Variants in XPO4 observed in about 807,000 individuals in gnomAD.
The protein encoded by XPO4 is exportin-4.
A neutral mutation model predicts 143.0 loss-of-function variants in XPO4; 39 were observed. The observed-to-expected ratio is 0.27, with a 90% confidence interval of 0.21 to 0.36. The LOEUF (loss-of-function observed/expected upper bound fraction) is 0.36. Ranked by LOEUF, XPO4 falls within the 10% of genes least tolerant of loss-of-function variation. The pLI is 1.00. For missense variants in XPO4, 907 were observed against 1,348.0 expected (o/e 0.67, Z 5.12); for synonymous variants, 439 against 474.0 (o/e 0.93, Z 0.96).
intron 1 of XPO4, among the ~76,000 whole-genome samples, chr13:20,890,461 G>T (rs1436238340): frequency 6.7e-6 from 1 of 148,762 alleles, no homozygotes; most frequent in Non-Finnish European, 1.5e-5. Flanking sequence ...AAAAAAAAAA[G>T]AAATAAAGAA....
intron 3 of XPO4, among the ~76,000 whole-genome samples, chr13:20,860,441 C>T (rs1201034028): frequency 6.6e-6 from 1 of 152,088 alleles, no homozygotes; most frequent in Non-Finnish European, 1.5e-5. Flanking sequence ...AAGAAAAATA[C>T]CAAAACAAAT....
intron 9 of XPO4, among the ~76,000 whole-genome samples, chr13:20,812,053 C>T (rs1387954441): frequency 2.0e-5 from 3 of 152,132 alleles, no homozygotes; most frequent in African/African-American, 7.2e-5. Context: ...AACCCAGAAG[C>T]ATTCACTTAG....
At chr13:20,790,360 A>G in intron 19 of XPO4, 102 bp downstream of exon 19, 1 of 910,134 alleles carries the variant, frequency 1.1e-6, no homozygotes, top group Non-Finnish European at 1.8e-6. Flanking sequence ...TGCACTTAGC[A>G]GATACAACTA....
At chr13:20,879,957 A>G (rs2060390533) in intron 1 of XPO4, among the ~76,000 whole-genome samples, 1 of 152,264 alleles carries the variant, frequency 6.6e-6, no homozygotes, top group African/African-American at 2.4e-5. Context: ...GCCAAGAAGC[A>G]CATGAAAAGA....
intron 9 of XPO4, among the ~76,000 whole-genome samples, chr13:20,813,267 C>A (rs1325598219): frequency 2.6e-5 from 4 of 152,108 alleles, no homozygotes; most frequent in African/African-American, 9.7e-5. Context: ...GGACACAGAG[C>A]CAAACCATCT....
At chr13:20,810,020 TAAC>T (rs1379031415) in intron 9 of XPO4, 53 bp from the exon 10 acceptor site, 7 of 1,464,928 alleles carry the variant, frequency 4.8e-6, no homozygotes, top group African/African-American at 1.4e-5. Flanking sequence ...ACAATTGGCA[TAAC>T]AACAGTCATA....
intron 13 of XPO4, among the ~76,000 whole-genome samples, chr13:20,801,707 A>G (rs1215040415): frequency 6.6e-6 from 1 of 152,252 alleles, no homozygotes; most frequent in African/African-American, 2.4e-5. Flanking sequence ...TTTAGCCAAA[A>G]GGCAAGGAAG....
At chr13:20,894,770 G>A (rs1325250969) in intron 1 of XPO4, among the ~76,000 whole-genome samples, 2 of 151,780 alleles carry the variant, frequency 1.3e-5, no homozygotes, top group Non-Finnish European at 2.9e-5. Flanking sequence ...CTTGAACCCA[G>A]GAGGTGTAGG....
intron 1 of XPO4, among the ~76,000 whole-genome samples, chr13:20,870,089 C>CAAAAAAAAAAAAAAAAAAAAAAAAAAAA (rs59710121): frequency 4.0e-5 from 4 of 98,928 alleles, no homozygotes; most frequent in African/African-American, 1.8e-4. Flanking sequence ...GAAGGAGTCT[C>CAAAAAAAAAAAAAAAAAAAAAAAAAAAA]AAAAAAAAAA....
intron 7 of XPO4, among the ~76,000 whole-genome samples, chr13:20,822,885 A>G (rs2059738393): frequency 6.6e-6 from 1 of 152,242 alleles, no homozygotes; most frequent in Admixed American, 6.5e-5. Context: ...GATTTTGAAT[A>G]CCAAATGTAA....
chr13:20,818,075 C>G (rs1195497986), intron 9 of XPO4, among the ~76,000 whole-genome samples: 1 of 152,164 alleles, frequency 6.6e-6, no homozygotes, highest in Non-Finnish European at 1.5e-5. Context: ...CGTGAGCCAC[C>G]AAGCCCAGCA....
intron 18 of XPO4, among the ~76,000 whole-genome samples, chr13:20,794,575 G>C (rs1452235234): frequency 6.6e-6 from 1 of 152,108 alleles, no homozygotes; most frequent in African/African-American, 2.4e-5. Flanking sequence ...GTATTAGTAA[G>C]AGGTTAAGAA....
intron 13 of XPO4, among the ~76,000 whole-genome samples, chr13:20,802,871 ACAACTGAG>A (rs1254336346): frequency 3.3e-5 from 5 of 152,222 alleles, no homozygotes; most frequent in Non-Finnish European, 5.9e-5. Context: ...TTAAAACTAG[ACAACTGAG>A]CAAAACAATA....
chr13:20,879,848 AAAG>A (rs2138155372), intron 1 of XPO4, among the ~76,000 whole-genome samples: 1 of 152,336 alleles, frequency 6.6e-6, no homozygotes, highest in South Asian at 2.1e-4. Flanking sequence ...TGTAATCTAT[AAAG>A]AACTCCTACA....
Position 20,778,228 on chromosome 13 carries a change from G to T in XPO4, c.*5494C>A, listed in dbSNP as rs532221475. On this transcript the variant is annotated 3_prime_UTR_variant, in exon 23 of 23. Transcript: ENST00000255305. ...TGTGTATGGCCCCACACTTGGTAATGAAAGAAACAAAAATTCAAAATACAC... is the reference window on the plus strand; with the variant it reads ...TGTGTATGGCCCCACACTTGGTAATTAAAGAAACAAAAATTCAAAATACAC... 1 of 152,122 alleles carries T rather than the reference G, an allele frequency of 6.6e-6. No individual in the cohort carries two copies. Among genetic ancestry groups the T allele is most frequent in the Admixed American group, 6.5e-5 (1 of 15,272 alleles). The allele number at this position is 152,122 out of a possible 1,614,324, so 9.4% of individuals were successfully genotyped here.
At chr13:20,898,404 A>C (rs2060588936) in intron 1 of XPO4, among the ~76,000 whole-genome samples, 2 of 152,084 alleles carry the variant, frequency 1.3e-5, no homozygotes, top group Non-Finnish European at 2.9e-5. Context: ...ATCTCTACTA[A>C]AAATACAAAA....
At position 20,862,734 on chromosome 13, in the gene XPO4, A is replaced by G. The variant is rs1772327811; in HGVS notation, c.300T>C (p.Tyr100=). 5 of 1,614,156 alleles carry G rather than the reference A, an allele frequency of 3.1e-6. No homozygotes were observed. In the Middle Eastern group the frequency reaches 4.9e-4, roughly 160 times the overall value. Residue 100 remains tyrosine, a synonymous_variant, in exon 3 of 23, where the codon TAT becomes TAC. Transcript: ENST00000255305. ...GTACTTACTTGGGCCTTTGTAAGAC[A>G]TAGGTTAAAAGGAATGTTCGCAGAG... The part of the protein sequence containing the change: ...IESLRTFLLT[Y]VLQRPNLQKY...
chr13:20,845,795 G>C (rs1487882819), intron 4 of XPO4, among the ~76,000 whole-genome samples: 1 of 152,138 alleles, frequency 6.6e-6, no homozygotes, highest in African/African-American at 2.4e-5. Context: ...GGTGGGGAAA[G>C]TAGATGTTAA....
At chr13:20,792,607 C>A (rs1413836769) in intron 18 of XPO4, among the ~76,000 whole-genome samples, 2 of 151,146 alleles carry the variant, frequency 1.3e-5, no homozygotes, top group Non-Finnish European at 3.0e-5. Flanking sequence ...ATTAGCCAGG[C>A]CTGGTGGCGG....
Sources: allele counts gnomAD v4.1 joint callset (sites outside exome capture counted in the v4.1 genomes callset), GRCh38; gene constraint gnomAD v4.1.1; transcripts MANE v1.5; gene names NCBI Gene and HGNC (gene_info 2026-07-23, HGNC 2026-07-21).